Variants in STK24 observed in about 807,000 individuals in gnomAD.
STK24 encodes the protein serine/threonine-protein kinase 24.
STK24 carries 21 observed loss-of-function variants against 55.6 expected under a neutral mutation model. The observed-to-expected ratio is 0.38, with a 90% CI of 0.27 to 0.54. The LOEUF is 0.54. Among genes scored for constraint, STK24 ranks in the 20% least tolerant of loss-of-function variants. The pLI is 0.79. For synonymous variants in STK24, 200 were observed against 215.2 expected (o/e 0.93, Z 0.62); for missense variants, 383 against 538.4 (o/e 0.71, Z 2.86).
intron 3 of STK24, among the ~76,000 whole-genome samples, chr13:98,477,234 T>C (rs1713330291): frequency 2.6e-5 from 4 of 152,234 alleles, no homozygotes; most frequent in Admixed American, 2.6e-4. Flanking sequence ...GTTCATAGAA[T>C]GTAGAAATTT....
intron 1 of STK24, among the ~76,000 whole-genome samples, chr13:98,542,374 A>C (rs149862483): frequency 6.6e-6 from 1 of 151,988 alleles, no homozygotes; most frequent in Non-Finnish European, 1.5e-5. Context: ...CATTCATCCT[A>C]TGCACAAACA....
At chr13:98,523,155 C>A (rs530682791) in intron 1 of STK24, among the ~76,000 whole-genome samples, 1 of 152,312 alleles carries the variant, frequency 6.6e-6, no homozygotes, top group East Asian at 1.9e-4. Context: ...ACCTGGAGAA[C>A]CACCACTCGG....
chr13:98,510,189 G>T (rs1895835406), intron 2 of STK24, among the ~76,000 whole-genome samples: 1 of 152,220 alleles, frequency 6.6e-6, no homozygotes, highest in African/African-American at 2.4e-5. Flanking sequence ...CAGGTAGTCA[G>T]ACAAGACCCA....
chr13:98,461,815 C>T lies in STK24; in HGVS notation c.1012G>A (p.Glu338Lys), dbSNP rs368976799. 6.8e-6 allele frequency: 11 copies of T among 1,614,146 alleles called. No individual in the cohort carries two copies. The highest frequency in any genetic ancestry group is 2.2e-5 in the East Asian group (1 of 44,886). ...TIREKDPKNLENGALQPSDLD... is the reference protein window; with the variant it reads ...TIREKDPKNLKNGALQPSDLD... ...TCCGATGGCTGAAGAGCTCCATTCTCGAGATTCTTGGGATCTTTTTCTCGG... is the reference window on the plus strand; with the variant it reads ...TCCGATGGCTGAAGAGCTCCATTCTTGAGATTCTTGGGATCTTTTTCTCGG... Residue 338 changes from glutamate to lysine, a missense_variant, in exon 8 of 11, where the codon GAG becomes AAG. Glu to Lys is a moderately conservative substitution (Grantham distance 56, BLOSUM62 1). Transcript: ENST00000539966.
intron 1 of STK24, among the ~76,000 whole-genome samples, chr13:98,558,805 GAAAA>G (rs1897339408): frequency 1.3e-5 from 2 of 151,930 alleles, no homozygotes; most frequent in Non-Finnish European, 2.9e-5. Flanking sequence ...TCTTACAATT[GAAAA>G]ACTGTGCTTC....
chr13:98,534,751 A>T (rs773627169), intron 1 of STK24, among the ~76,000 whole-genome samples: 1 of 152,082 alleles, frequency 6.6e-6, no homozygotes, highest in Non-Finnish European at 1.5e-5. Context: ...AACCCACTTC[A>T]ATCTCCTATG....
In STK24 at chr13:98,450,825, T is replaced by A. The variant is rs1329837440; in HGVS notation, c.*2348A>T. On this transcript the variant is annotated 3_prime_UTR_variant, in exon 11 of 11. Coordinates refer to ENST00000539966, the MANE Select transcript of STK24 (RefSeq NM_001032296.4). The stretch of plus-strand genomic sequence containing the variant: ...TGGAAGTGGCGACACAAAAGCCAGC[T>A]TCCTTGGCTAAGATGCCCTTAAAAA... 3 of 152,270 alleles carry A rather than the reference T, an allele frequency of 2.0e-5. No homozygotes were observed. Among genetic ancestry groups the A allele is most frequent in the Non-Finnish European group, 2.9e-5 (2 of 68,062 alleles). 9.4% of individuals were successfully genotyped at this position (152,270 alleles called of 1,614,324 possible). A position where few individuals can be genotyped will look rare whatever the true frequency, so the allele number is the denominator to read the frequency against.
intron 1 of STK24, among the ~76,000 whole-genome samples, chr13:98,522,757 A>G (rs1273084312): frequency 6.6e-6 from 1 of 152,124 alleles, no homozygotes; most frequent in Non-Finnish European, 1.5e-5. Context: ...CCCAGGTATG[A>G]TAAGTGGCAT....
At chr13:98,472,839 T>C (rs1221056626) in intron 5 of STK24, among the ~76,000 whole-genome samples, 1 of 152,192 alleles carries the variant, frequency 6.6e-6, no homozygotes, top group Non-Finnish European at 1.5e-5. Flanking sequence ...TCTGGAGTTT[T>C]CTTTCAAAAC....
At position 98,466,455 on chromosome 13, in the gene STK24, T is replaced by G; in HGVS notation, c.704A>C (p.Asn235Thr). The G allele has an allele frequency of 6.2e-7, 1 of 1,613,982 alleles. No individual in the cohort carries two copies. The highest frequency in any genetic ancestry group is 1.3e-5 in the African/African-American group (1 of 75,018). Reference protein sequence around the residue: ...MKVLFLIPKNNPPTLEGNYSK... With the variant: ...MKVLFLIPKNTPPTLEGNYSK... The stretch of plus-strand genomic sequence containing the variant: ...GTAGTTTCCTTCCAACGTCGGTGGG[T>G]TGTTCTTTGGAATGAGGAATAAAAC... The change falls in exon 6 of 11, where the codon AAC becomes ACC. Residue 235 changes from asparagine (N) to threonine (T), a missense_variant. Asn to Thr is a moderately conservative substitution (Grantham distance 65). Coordinates refer to ENST00000539966, the MANE Select transcript of STK24 (RefSeq NM_001032296.4).
Position 98,451,208 on chromosome 13 carries a change from A to C in STK24, c.*1965T>G, listed in dbSNP as rs556603255. 1 of 152,294 alleles carries C rather than the reference A, an allele frequency of 6.6e-6. No individual in the cohort carries two copies. The highest frequency in any genetic ancestry group is 2.4e-5 in the African/African-American group (1 of 41,544). The allele number at this position is 152,294 out of a possible 1,614,324, so 9.4% of individuals were successfully genotyped here. On this transcript the variant is annotated 3_prime_UTR_variant, in exon 11 of 11. Coordinates refer to ENST00000539966, the MANE Select transcript of STK24 (RefSeq NM_001032296.4). The stretch of plus-strand genomic sequence containing the variant: ...TGCTGTCCGCCCTGGCTCACTTAAA[A>C]ATCAGGTAACGGCACACCCTGGGGA...
chr13:98,487,053 T>C (rs768161835), intron 2 of STK24, among the ~76,000 whole-genome samples: 5 of 152,172 alleles, frequency 3.3e-5, no homozygotes, highest in Non-Finnish European at 7.4e-5. Context: ...AATAACCTGG[T>C]AAAACCAAAA....
intron 2 of STK24, among the ~76,000 whole-genome samples, chr13:98,495,611 A>T (rs572096417): frequency 6.0e-4 from 92 of 152,206 alleles, no homozygotes; most frequent in Non-Finnish European, 8.5e-4. Flanking sequence ...ACATAAAATG[A>T]AGCTGCCAAA....
At chr13:98,551,315 C>T (rs888727763) in intron 1 of STK24, among the ~76,000 whole-genome samples, 17 of 151,614 alleles carry the variant, frequency 1.1e-4, no homozygotes, top group African/African-American at 3.6e-4. Flanking sequence ...GACTTATCTA[C>T]GTTTCCCATT....
At chr13:98,505,800 A>T (rs1895661134) in intron 2 of STK24, among the ~76,000 whole-genome samples, 1 of 152,238 alleles carries the variant, frequency 6.6e-6, no homozygotes, top group Admixed American at 6.5e-5. Context: ...ATATATCAAC[A>T]CATCATTTCC....
chr13:98,448,510 C>T lies in STK24; in HGVS notation c.*4663G>A. The T allele has an allele frequency of 1.7e-6, 1 of 583,872 alleles. No individual in the cohort carries two copies. The highest frequency in any genetic ancestry group is 2.0e-5 in the South Asian group (1 of 48,956). 36.2% of individuals were successfully genotyped at this position (583,872 alleles called of 1,614,324 possible). A position where few individuals can be genotyped will look rare whatever the true frequency, so the allele number is the denominator to read the frequency against. On this transcript the variant is annotated 3_prime_UTR_variant, in exon 11 of 11. Transcript: ENST00000539966. ...GTCTGAATGAACAGCGCTCCCACCT[C>T]CAGTCCTGGCATCCGCTGGGGGCGC...
chr13:98,446,729 G>A lies in STK24; in HGVS notation c.*6444C>T, dbSNP rs997755328. On this transcript the variant is annotated 3_prime_UTR_variant, in exon 11 of 11. Coordinates refer to ENST00000539966, the MANE Select transcript of STK24 (RefSeq NM_001032296.4). ...CTCGCTCACCATCCCCTCTGAGTCC[G>A]AGAACATCCAGAAAGACTACGTGTT... 28 of 1,614,050 alleles carry A rather than the reference G, an allele frequency of 1.7e-5. No individual in the cohort carries two copies. Among genetic ancestry groups the A allele is most frequent in the South Asian group, 2.2e-5 (2 of 91,088 alleles).
intron 2 of STK24, among the ~76,000 whole-genome samples, chr13:98,504,233 A>G (rs879661735): frequency 4.6e-5 from 7 of 152,226 alleles, no homozygotes; most frequent in Non-Finnish European, 1.0e-4. Context: ...AAAACAACAA[A>G]CACACACTTG....
rs535268384 is a variant in STK24 at position 98,450,715 on chromosome 13, G to C, written c.*2458C>G. 1.3e-5 allele frequency: 2 copies of C among 152,272 alleles called. No homozygotes were observed. Among genetic ancestry groups the C allele is most frequent in the Non-Finnish European group, 2.9e-5 (2 of 68,084 alleles). 9.4% of individuals were successfully genotyped at this position (152,272 alleles called of 1,614,324 possible). On this transcript the variant is annotated 3_prime_UTR_variant, in exon 11 of 11. Coordinates refer to ENST00000539966, the MANE Select transcript of STK24 (RefSeq NM_001032296.4). ...GACAGTAAACCCGTCTCAAAGGCTG[G>C]GCCTGGCTACAGACCAGCAGCAGTT...
Sources: allele counts gnomAD v4.1 joint callset (sites outside exome capture counted in the v4.1 genomes callset), GRCh38; gene constraint gnomAD v4.1.1; transcripts MANE v1.5; gene names NCBI Gene and HGNC (gene_info 2026-07-23, HGNC 2026-07-21).